Variants in ACSM3 observed in about 807,000 individuals in gnomAD.
ACSM3 encodes the protein acyl-CoA synthetase medium chain family member 3, also known as acyl-coenzyme A synthetase ACSM3, mitochondrial.
ACSM3 carries 61 observed loss-of-function variants against 74.1 expected under a neutral mutation model. That is an observed-to-expected ratio of 0.82 (90% CI 0.67 to 1.02). The LOEUF is 1.02. Among genes scored for constraint, ACSM3 ranks in the 50% least tolerant of loss-of-function variants. The probability of loss-of-function intolerance (pLI) is 0.00; values close to 1 mark genes in which losing one functional copy is unlikely to be tolerated. For synonymous variants in ACSM3, 213 were observed against 241.5 expected (o/e 0.88, Z 1.09); for missense variants, 660 against 697.0 (o/e 0.95, Z 0.60).
chr16:20,782,167 C>G (rs2080365825), intron 7 of ACSM3, among the ~76,000 whole-genome samples: 1 of 152,136 alleles, frequency 6.6e-6, no homozygotes. Context: ...ATTGCTGATT[C>G]CATTTGAAAG....
At chr16:20,695,445 A>C (rs1385837316) in intron 1 of ACSM3, among the ~76,000 whole-genome samples, 2 of 152,190 alleles carry the variant, frequency 1.3e-5, no homozygotes, top group Non-Finnish European at 2.9e-5. Context: ...CAGAGGAAAA[A>C]AATTTCCTTA....
In ACSM3 at chr16:20,790,548, C is replaced by A; in HGVS notation, c.1225-39C>A. On this transcript the variant is annotated intron_variant, in intron 9 of 13. Coordinates refer to ENST00000289416, the MANE Select transcript of ACSM3 (RefSeq NM_005622.4). This position sits in a 1 kb window ranked among gnomAD's most constrained non-coding sequence, Gnocchi z 4.0. Reference sequence around the variant, plus strand: ...TTAATATTTAAGCTGCGACATTAAACAAAAATTTCCTTAAATAAATTGTTC... The same window carrying A: ...TTAATATTTAAGCTGCGACATTAAAAAAAAATTTCCTTAAATAAATTGTTC... The A allele has an allele frequency of 6.4e-7, 1 of 1,569,646 alleles. No individual in the cohort carries two copies. The highest frequency in any genetic ancestry group is 1.1e-5 in the South Asian group (1 of 87,864).
At chr16:20,712,263 C>A (rs1471316601) in intron 1 of ACSM3, among the ~76,000 whole-genome samples, 2 of 152,050 alleles carry the variant, frequency 1.3e-5, no homozygotes, top group Non-Finnish European at 2.9e-5. Flanking sequence ...GAAACCTAGG[C>A]CCACAAAGCC....
chr16:20,740,998 C>T (rs1055817676), intron 1 of ACSM3, among the ~76,000 whole-genome samples: 1 of 152,184 alleles, frequency 6.6e-6, no homozygotes, highest in African/African-American at 2.4e-5. Flanking sequence ...GGCTCAGTGG[C>T]TCGCGCCTGT....
intron 1 of ACSM3, among the ~76,000 whole-genome samples, chr16:20,727,071 C>A (rs2079809120): frequency 6.6e-6 from 1 of 152,200 alleles, no homozygotes; most frequent in Admixed American, 6.5e-5. Flanking sequence ...ATAGCATTTT[C>A]TCCCACCTTT....
At chr16:20,744,920 AAC>A (rs2079951534) in intron 1 of ACSM3, among the ~76,000 whole-genome samples, 1 of 152,176 alleles carries the variant, frequency 6.6e-6, no homozygotes, top group Non-Finnish European at 1.5e-5. Flanking sequence ...AAAGTTTTTT[AAC>A]AGTTTATTGT....
intron 1 of ACSM3, among the ~76,000 whole-genome samples, chr16:20,732,126 A>G (rs1240503317): frequency 2.0e-5 from 3 of 152,170 alleles, no homozygotes; most frequent in Non-Finnish European, 2.9e-5. Flanking sequence ...AAGGGACCCC[A>G]TTAATATTCA....
rs563320073 is a variant in ACSM3 at position 20,682,140 on chromosome 16, G to T, written c.-190+7318G>T. The T allele has an allele frequency of 1.0e-5, 10 of 958,230 alleles. No individual in the cohort carries two copies. In the South Asian group the frequency reaches 1.6e-4, roughly 15 times the overall value. 59.4% of individuals were successfully genotyped at this position (958,230 alleles called of 1,614,324 possible). ...AGTCCTTTGGATGTTAATCTGACTG[G>T]GCTGGTGCACCTAAATAATAAATAC... is the stretch of plus-strand genomic sequence containing the variant. On this transcript the variant is annotated intron_variant, in intron 1 of 3. Transcript: ENST00000561584.
intron 1 of ACSM3, chr16:20,727,343 A>T (rs1467859396): frequency 1.3e-4 from 78 of 589,852 alleles, no homozygotes; most frequent in Non-Finnish European, 2.4e-4. Context: ...GTCTCTCCAG[A>T]TATAAATTCA....
At chr16:20,678,865 C>T (rs2079373847) in intron 1 of ACSM3, among the ~76,000 whole-genome samples, 1 of 152,162 alleles carries the variant, frequency 6.6e-6, no homozygotes, top group South Asian at 2.1e-4. Flanking sequence ...AAGTCAGGTG[C>T]ACCTCCACCA....
intron 1 of ACSM3, chr16:20,679,093 C>G (rs1332951834): frequency 6.6e-6 from 1 of 152,194 alleles, no homozygotes; most frequent in African/African-American, 2.4e-5. Flanking sequence ...GGAATCCAAC[C>G]ACTCTAGGAC....
At chr16:20,737,320 A>G (rs1216215926) in intron 1 of ACSM3, 3 of 1,569,406 alleles carry the variant, frequency 1.9e-6, no homozygotes, top group Non-Finnish European at 2.6e-6. Context: ...ATAGCTGAGG[A>G]GGATACCATT....
chr16:20,790,459 A>G lies in ACSM3; in HGVS notation c.1225-128A>G, dbSNP rs1010947020. 7.1e-6 allele frequency: 6 copies of G among 846,004 alleles called. No individual in the cohort carries two copies. The South Asian group carries it at 8.7e-5, about 12-fold the overall frequency. 52.4% of individuals were successfully genotyped at this position (846,004 alleles called of 1,614,324 possible). ...GTGACAAAGTGAGACCTTGTCTCAC[A>G]CACACAAAATTTTTTTTAAGTCTTC... On this transcript the variant is annotated intron_variant, in intron 9 of 13. Coordinates refer to ENST00000289416, the MANE Select transcript of ACSM3 (RefSeq NM_005622.4). This position sits in a 1 kb window ranked among gnomAD's most constrained non-coding sequence, Gnocchi z 4.0.
chr16:20,688,049 C>T (rs565099587), intron 1 of ACSM3, among the ~76,000 whole-genome samples: 10 of 150,754 alleles, frequency 6.6e-5, no homozygotes, highest in African/African-American at 2.0e-4. Context: ...CGTGCCACTG[C>T]GCTCCAGCCT....
chr16:20,697,003 G>T lies in ACSM3; in HGVS notation c.-190+22181G>T, dbSNP rs529687787. 2.0e-5 allele frequency among the ~76,000 whole-genome samples: 3 copies of T among 152,276 alleles called. No homozygotes were observed. In the South Asian group the frequency reaches 6.2e-4, roughly 32 times the overall value. On this transcript the variant is annotated intron_variant, in intron 1 of 3. Transcript: ENST00000561584. ...GATAATTTACTTGCTGGCACTGAAT[G>T]AAGTGCACGGTAAGGACTCAATAAA...
chr16:20,780,887 T>A lies in ACSM3; in HGVS notation c.782+30T>A, dbSNP rs773261373. On this transcript the variant is annotated intron_variant, in intron 5 of 13. Coordinates refer to ENST00000289416, the MANE Select transcript of ACSM3 (RefSeq NM_005622.4). The stretch of plus-strand genomic sequence containing the variant: ...ACTTTCACAAAAGTGCAGCTTGAAG[T>A]GTCAAAACTGCAAAGATGATGACTT... 3.7e-5 allele frequency: 60 copies of A among 1,613,694 alleles called. No homozygotes were observed. The Admixed American group carries it at 9.7e-4, about 26-fold the overall frequency.
At chr16:20,691,111 C>T (rs981434797) in intron 1 of ACSM3, 2 of 1,613,666 alleles carry the variant, frequency 1.2e-6, no homozygotes, top group Non-Finnish European at 1.7e-6. Context: ...GGCAGCGCAG[C>T]TGTGAAGGGG....
At chr16:20,737,942 C>A in intron 1 of ACSM3, 1 of 1,591,556 alleles carries the variant, frequency 6.3e-7, no homozygotes, top group East Asian at 2.2e-5. Flanking sequence ...ATATGATGCA[C>A]CAATTTCTCA....
In ACSM3 at chr16:20,790,736, C is replaced by T. The variant is rs1236616271; in HGVS notation, c.1326+48C>T. 6.2e-7 allele frequency: 1 copy of T among 1,613,644 alleles called. No homozygotes were observed. The highest frequency in any genetic ancestry group is 2.2e-5 in the East Asian group (1 of 44,874). On this transcript the variant is annotated intron_variant, in intron 10 of 13. Transcript: ENST00000289416. This position sits in a 1 kb window ranked among gnomAD's most constrained non-coding sequence, Gnocchi z 4.0. Reference sequence around the variant, plus strand: ...TCATTTTCTATTTATTTCTCAAGTGCTTGGTAACAATCCCTGTTTGCCACA... The same window carrying T: ...TCATTTTCTATTTATTTCTCAAGTGTTTGGTAACAATCCCTGTTTGCCACA...
Sources: gnomAD v4.1 joint callset for allele counts (sites outside exome capture counted in the v4.1 genomes callset) on GRCh38, gnomAD v4.1.1 for gene constraint, Gnocchi (gnomAD v3.1) non-coding constraint, MANE v1.5 for transcripts, NCBI Gene and HGNC (gene_info 2026-07-23, HGNC 2026-07-21) for gene names.